Variants in SYCP1 observed in about 807,000 individuals in gnomAD.
SYCP1 encodes cancer/testis antigen 8.
In SYCP1, 64 loss-of-function variants were observed where a neutral mutation model predicts 153.1. The ratio of observed to expected loss-of-function variants is 0.42; its 90% CI spans 0.34 to 0.51. The LOEUF (loss-of-function observed/expected upper bound fraction) is 0.51. Among genes scored for constraint, SYCP1 ranks in the 20% least tolerant of loss-of-function variants. SYCP1 has a pLI of 0.06. For missense variants in SYCP1, 997 were observed against 1,049.0 expected (o/e 0.95, Z 0.68); for synonymous variants, 384 against 341.8 (o/e 1.12, Z -1.36).
At chr1:114,941,814 A>G (rs941017596) in intron 23 of SYCP1, among the ~76,000 whole-genome samples, 2 of 152,130 alleles carry the variant, frequency 1.3e-5, no homozygotes, top group African/African-American at 4.8e-5. Context: ...CAAGTACTTA[A>G]CACATACTTT....
intron 27 of SYCP1, among the ~76,000 whole-genome samples, chr1:114,975,333 A>AGTGT (rs10641182): frequency 0.027 from 3,910 of 146,506 alleles, 65 homozygotes; most frequent in African/African-American, 0.056. Context: ...CTCTAAAGTA[A>AGTGT]GTGTGTGTGT....
intron 15 of SYCP1, among the ~76,000 whole-genome samples, chr1:114,889,674 T>C (rs2101569188): frequency 6.6e-6 from 1 of 152,324 alleles, no homozygotes; most frequent in East Asian, 1.9e-4. Flanking sequence ...CTGATGGTAG[T>C]TTCTTTTGCT....
intron 8 of SYCP1, among the ~76,000 whole-genome samples, chr1:114,864,113 C>T (rs758935428): frequency 2.0e-5 from 3 of 148,122 alleles, no homozygotes; most frequent in Non-Finnish European, 3.0e-5. Context: ...ACATTCTGCA[C>T]ATGTATCCCA....
intron 8 of SYCP1, among the ~76,000 whole-genome samples, 153 bp from the exon 9 acceptor site, chr1:114,874,353 A>T (rs1436363680): frequency 6.6e-6 from 1 of 152,200 alleles, no homozygotes; most frequent in Admixed American, 6.5e-5. Flanking sequence ...TTTTGATGCA[A>T]CTTAAAAAGA....
At chr1:114,854,432 C>T (rs1159568603), upstream of SYCP1, among the ~76,000 whole-genome samples, 3 of 152,208 alleles carry the variant, frequency 2.0e-5, no homozygotes, top group Non-Finnish European at 4.4e-5. Context: ...GCCACCGGCC[C>T]GCCTAGCCAA....
At position 114,914,572 on chromosome 1, in the gene SYCP1, A is replaced by C. The variant is rs191835835; in HGVS notation, c.1718+527A>C. ...AGATTGCCACTATTACCAGAACTCC[A>C]ACCTAGTCAAGTTGTAGACAAGCTA... is the stretch of plus-strand genomic sequence containing the variant. On this transcript the variant is annotated intron_variant, in intron 20 of 31. Coordinates refer to ENST00000369522, the MANE Select transcript of SYCP1 (RefSeq NM_003176.4). Among the ~76,000 whole-genome samples, 157 of 152,308 alleles carry C rather than the reference A, an allele frequency of 1.0e-3. 2 individuals are homozygous for C. Among genetic ancestry groups the C allele is most frequent in the African/African-American group, 3.7e-3 (152 of 41,566 alleles).
intron 15 of SYCP1, among the ~76,000 whole-genome samples, chr1:114,889,572 G>C (rs1001534528): frequency 2.6e-5 from 4 of 152,028 alleles, no homozygotes. Context: ...TTGTAAACTT[G>C]TTTAAGCTCT....
chr1:114,973,595 C>T (rs910806773), intron 27 of SYCP1, among the ~76,000 whole-genome samples: 3 of 151,980 alleles, frequency 2.0e-5, no homozygotes, highest in Non-Finnish European at 4.4e-5. Flanking sequence ...TATTGTGGCT[C>T]TCTTACTGAG....
At chr1:114,994,612 C>T in intron 30 of SYCP1, 86 bp from the exon 31 acceptor site, 1 of 1,025,774 alleles carries the variant, frequency 9.7e-7, no homozygotes, top group Non-Finnish European at 1.3e-6. Context: ...CTTTGTTCTC[C>T]TCACATGTGA....
intron 27 of SYCP1, among the ~76,000 whole-genome samples, chr1:114,953,134 A>G (rs1217019166): frequency 1.3e-5 from 2 of 152,210 alleles, no homozygotes; most frequent in East Asian, 3.9e-4. Context: ...TCATGGCCCT[A>G]TCACCTTCCA....
intron 30 of SYCP1, among the ~76,000 whole-genome samples, chr1:114,989,115 C>G (rs1459863625): frequency 6.6e-6 from 1 of 151,768 alleles, no homozygotes; most frequent in Non-Finnish European, 1.5e-5. Flanking sequence ...TGCAGTGAGC[C>G]ATAATCACAC....
intron 27 of SYCP1, among the ~76,000 whole-genome samples, chr1:114,949,723 G>T (rs1308444374): frequency 6.6e-6 from 1 of 152,080 alleles, no homozygotes; most frequent in African/African-American, 2.4e-5. Flanking sequence ...ATACTATTCT[G>T]TTCTTTTCTT....
Position 114,920,656 on chromosome 1 carries a change from C to T in SYCP1, c.1719-2793C>T, listed in dbSNP as rs12722931. Among the ~76,000 whole-genome samples, 1,156 of 152,152 alleles carry T rather than the reference C, an allele frequency of 7.6e-3. 8 individuals are homozygous for T. Among genetic ancestry groups the T allele is most frequent in the Non-Finnish European group, 0.013 (871 of 67,994 alleles). On this transcript the variant is annotated intron_variant, in intron 20 of 31. Transcript: ENST00000369522. ...TATTTGTTTTATATATCTGTGTGCT[C>T]CAGTGTTGGGTGCATATATCTTTGT... is the stretch of plus-strand genomic sequence containing the variant.
chr1:114,926,671 G>GT, intron 23 of SYCP1, 108 bp downstream of exon 23: 2 of 930,148 alleles, frequency 2.2e-6, no homozygotes, highest in East Asian at 3.0e-5. Context: ...TACCATAACA[G>GT]TATCAATTGA....
chr1:114,876,083 T>A lies in SYCP1; in HGVS notation c.672T>A (p.Ala224=), dbSNP rs183982377. Residue 224 remains alanine, a synonymous_variant, in exon 10 of 32, where the codon GCT becomes GCA. Coordinates refer to ENST00000369522, the MANE Select transcript of SYCP1 (RefSeq NM_003176.4). ...LNNNIEKMIT[A]FEELRVQAEN... ...TTATATTTCAGAAAATGATAACAGC[T>A]TTTGAGGAACTTCGTGTGCAAGCTG... The A allele has an allele frequency of 6.3e-7, 1 of 1,581,162 alleles. No homozygotes were observed. Among genetic ancestry groups the A allele is most frequent in the East Asian group, 2.3e-5 (1 of 44,136 alleles).
At chr1:114,932,208 A>G (rs1343222513) in intron 23 of SYCP1, among the ~76,000 whole-genome samples, 2 of 152,204 alleles carry the variant, frequency 1.3e-5, no homozygotes, top group Non-Finnish European at 2.9e-5. Flanking sequence ...GTTAGACTAC[A>G]TCAAAACTTG....
intron 25 of SYCP1, among the ~76,000 whole-genome samples, 161 bp downstream of exon 25, chr1:114,945,143 A>G (rs1259416498): frequency 6.6e-6 from 1 of 151,984 alleles, no homozygotes; most frequent in Admixed American, 6.6e-5. Flanking sequence ...CATTTCTTCA[A>G]GTTCAGATCT....
intron 8 of SYCP1, among the ~76,000 whole-genome samples, chr1:114,866,686 C>G (rs979718822): frequency 5.3e-5 from 8 of 151,678 alleles, no homozygotes; most frequent in African/African-American, 1.9e-4. Flanking sequence ...TTGACATTAT[C>G]TTTTGGAGAG....
At chr1:114,876,187 A>T in intron 10 of SYCP1, 49 bp downstream of exon 10, 2 of 1,315,282 alleles carry the variant, frequency 1.5e-6, no homozygotes, top group South Asian at 3.2e-5. Context: ...TTTGCTATTT[A>T]TATTTTTATC....
Sources: gnomAD v4.1 joint callset for allele counts (sites outside exome capture counted in the v4.1 genomes callset) on GRCh38, gnomAD v4.1.1 for gene constraint, MANE v1.5 for transcripts, NCBI Gene and HGNC (gene_info 2026-07-23, HGNC 2026-07-21) for gene names.